AGBL4: variants seen among roughly 807,000 people sequenced by gnomAD.
AGBL4 encodes the protein cytosolic carboxypeptidase 6.
AGBL4 carries 58 observed loss-of-function variants against 66.4 expected under a neutral mutation model. The ratio of observed to expected loss-of-function variants is 0.87; its 90% CI spans 0.71 to 1.09. AGBL4 has a LOEUF of 1.09. Among genes scored for constraint, AGBL4 ranks in the 50% least tolerant of loss-of-function variants. AGBL4 has a pLI of 0.00. For synonymous variants in AGBL4, 234 were observed against 222.9 expected (o/e 1.05, Z -0.44); for missense variants, 579 against 631.0 (o/e 0.92, Z 0.88).
At chr1:48,591,828 C>G (rs919592269) in intron 9 of AGBL4, among the ~76,000 whole-genome samples, 4 of 152,138 alleles carry the variant, frequency 2.6e-5, no homozygotes, top group Non-Finnish European at 4.4e-5. Context: ...ATATTTAAGG[C>G]ACTTTCTTGG....
chr1:49,964,337 GGA>G, intron 1 of AGBL4, among the ~76,000 whole-genome samples: 1 of 152,074 alleles, frequency 6.6e-6, no homozygotes, highest in Admixed American at 6.6e-5. Context: ...TCTATAAAAT[GGA>G]AGTAATAATA....
chr1:49,218,617 C>A (rs1164906468), intron 4 of AGBL4, among the ~76,000 whole-genome samples: 2 of 152,094 alleles, frequency 1.3e-5, no homozygotes, highest in African/African-American at 4.8e-5. Context: ...TGTTAGCTCA[C>A]CCCTCAGTAC....
intron 4 of AGBL4, among the ~76,000 whole-genome samples, chr1:49,081,849 G>A (rs1373631717): frequency 6.6e-6 from 1 of 152,112 alleles, no homozygotes; most frequent in African/African-American, 2.4e-5. Flanking sequence ...AGGAGCTAGA[G>A]ATAGGAAACT....
intron 3 of AGBL4, among the ~76,000 whole-genome samples, chr1:49,367,586 A>T (rs769927735): frequency 6.6e-6 from 1 of 152,206 alleles, no homozygotes; most frequent in Non-Finnish European, 1.5e-5. Flanking sequence ...TGGCTGAAAG[A>T]ACCAGGCTTG....
chr1:49,955,652 T>C (rs1656536792), intron 1 of AGBL4, among the ~76,000 whole-genome samples: 2 of 151,922 alleles, frequency 1.3e-5, no homozygotes. Flanking sequence ...AGAGCTCCAT[T>C]TCTTAATGAA....
chr1:49,677,461 G>A (rs1179486831), intron 3 of AGBL4, among the ~76,000 whole-genome samples: 1 of 151,776 alleles, frequency 6.6e-6, no homozygotes, highest in African/African-American at 2.4e-5. Context: ...CTTAGTCTTG[G>A]TATATAATTC....
At chr1:49,760,224 A>C (rs1652202618) in intron 2 of AGBL4, among the ~76,000 whole-genome samples, 1 of 152,090 alleles carries the variant, frequency 6.6e-6, no homozygotes, top group African/African-American at 2.4e-5. Flanking sequence ...GATTGCAAAA[A>C]TTTCGTCCCA....
At chr1:49,901,714 A>C (rs568001240) in intron 1 of AGBL4, among the ~76,000 whole-genome samples, 1 of 152,344 alleles carries the variant, frequency 6.6e-6, no homozygotes, top group African/African-American at 2.4e-5. Flanking sequence ...GAACCAAAAA[A>C]GAATCCAAAT....
At chr1:48,845,068 G>A (rs1197863395) in intron 6 of AGBL4, among the ~76,000 whole-genome samples, 3 of 152,170 alleles carry the variant, frequency 2.0e-5, no homozygotes, top group Non-Finnish European at 4.4e-5. Flanking sequence ...CTTGTATTAG[G>A]ACCAGTCCCA....
At chr1:49,557,127 A>G (rs115965628) in intron 3 of AGBL4, among the ~76,000 whole-genome samples, 2,556 of 152,124 alleles carry the variant, frequency 0.017, 78 homozygotes, top group African/African-American at 0.059. Flanking sequence ...AGCTGGCTGC[A>G]GCCTTGGCCA....
chr1:49,118,072 A>T (rs202244903), intron 4 of AGBL4, among the ~76,000 whole-genome samples: 1 of 152,140 alleles, frequency 6.6e-6, no homozygotes, highest in African/African-American at 2.4e-5. Flanking sequence ...ATTTTGTATC[A>T]TGAGACTTTG....
intron 3 of AGBL4, among the ~76,000 whole-genome samples, chr1:49,425,267 A>G (rs1645631841): frequency 6.6e-6 from 1 of 152,134 alleles, no homozygotes; most frequent in South Asian, 2.1e-4. Flanking sequence ...ATAATAAAAA[A>G]CATTTGCTCT....
chr1:48,976,655 T>A (rs1421980782), intron 5 of AGBL4, among the ~76,000 whole-genome samples: 6 of 152,152 alleles, frequency 3.9e-5, no homozygotes, highest in Admixed American at 3.9e-4. Context: ...ATGCATATAA[T>A]ATTTATTGGT....
intron 6 of AGBL4, among the ~76,000 whole-genome samples, chr1:48,827,051 C>T (rs951000775): frequency 6.6e-6 from 1 of 152,170 alleles, no homozygotes. Context: ...CTTGTTTGTC[C>T]TTCAAGATTC....
At chr1:49,549,255 A>AT (rs1225776569) in intron 3 of AGBL4, among the ~76,000 whole-genome samples, 1 of 143,386 alleles carries the variant, frequency 7.0e-6, no homozygotes, top group Non-Finnish European at 1.5e-5. Context: ...TTATCTTTGT[A>AT]TCTTTTTTTT....
intron 2 of AGBL4, among the ~76,000 whole-genome samples, chr1:49,796,191 G>T (rs1189584944): frequency 6.6e-6 from 1 of 151,808 alleles, no homozygotes; most frequent in Non-Finnish European, 1.5e-5. Flanking sequence ...TTTAACAATG[G>T]TATATAGATG....
intron 1 of AGBL4, among the ~76,000 whole-genome samples, chr1:49,944,318 A>T (rs563332400): frequency 6.6e-6 from 1 of 152,104 alleles, no homozygotes; most frequent in Non-Finnish European, 1.5e-5. Flanking sequence ...TGTCATCTTC[A>T]CCAGAGCAGA....
At chr1:49,934,573 G>T in intron 1 of AGBL4, among the ~76,000 whole-genome samples, 1 of 151,988 alleles carries the variant, frequency 6.6e-6, no homozygotes, top group East Asian at 1.9e-4. Flanking sequence ...GGTCAAAAAA[G>T]AAATTAAAAG....
chr1:49,312,571 A>G (rs1644960831), intron 3 of AGBL4, among the ~76,000 whole-genome samples: 1 of 152,082 alleles, frequency 6.6e-6, no homozygotes, highest in African/African-American at 2.4e-5. Context: ...ATTTGCAAAA[A>G]CAATATATCA....
Sources: gnomAD v4.1 joint callset for allele counts (sites outside exome capture counted in the v4.1 genomes callset) on GRCh38, gnomAD v4.1.1 for gene constraint, MANE v1.5 for transcripts, NCBI Gene and HGNC (gene_info 2026-07-23, HGNC 2026-07-21) for gene names.